LRRC20: variants seen among roughly 807,000 people sequenced by gnomAD.
The protein encoded by LRRC20 is leucine-rich repeat-containing protein 20.
A neutral mutation model predicts 14.4 loss-of-function variants in LRRC20; 11 were observed. That is an observed-to-expected ratio of 0.77 (90% CI 0.48 to 1.27). The LOEUF (loss-of-function observed/expected upper bound fraction) is 1.27, where lower values mean the gene tolerates loss of function less well. LRRC20 is among the 50% of genes most tolerant of loss of function. LRRC20 has a pLI of 0.00. For missense variants in LRRC20, 219 were observed against 251.2 expected, an observed-to-expected ratio of 0.87 and a Z score of 0.87; for synonymous variants, 121 against 107.3, an observed-to-expected ratio of 1.13 and a Z score of -0.79.
chr10:70,316,413 G>A (rs10999264), intron 4 of LRRC20, among the ~76,000 whole-genome samples: 9,395 of 152,304 alleles, frequency 0.062, 943 homozygotes, highest in African/African-American at 0.21. Context: ...GATTACAGGC[G>A]TGAGCCACCG....
chr10:70,367,088 G>A (rs546594503), intron 2 of LRRC20, among the ~76,000 whole-genome samples: 1 of 152,102 alleles, frequency 6.6e-6, no homozygotes, highest in African/African-American at 2.4e-5. Context: ...ACTTTGGGAG[G>A]CTGAGGCAGG....
intron 4 of LRRC20, among the ~76,000 whole-genome samples, chr10:70,307,969 A>G (rs1841488208): frequency 6.6e-6 from 1 of 152,356 alleles, no homozygotes; most frequent in Admixed American, 6.5e-5. Flanking sequence ...GCAGCAGCCC[A>G]GATGCCTGGG....
At chr10:70,339,776 C>G (rs1842845708) in intron 3 of LRRC20, among the ~76,000 whole-genome samples, 1 of 152,164 alleles carries the variant, frequency 6.6e-6, no homozygotes, top group African/African-American at 2.4e-5. Context: ...CTCCTGCCAC[C>G]TTGATGGCAA....
chr10:70,305,002 C>T lies in LRRC20; in HGVS notation c.401-3494G>A, dbSNP rs569828784. On this transcript the variant is annotated intron_variant, in intron 4 of 4. Transcript: ENST00000446961. ...GAGTTCGAGACCAGCCTGACCAACA[C>T]AGTGAAACCCTGTCTCTACTAAATA... Among the ~76,000 whole-genome samples the T allele has an allele frequency of 3.3e-5, 5 of 152,260 alleles. No homozygotes were observed. The South Asian group carries it at 8.3e-4, about 25-fold the overall frequency.
intron 4 of LRRC20, among the ~76,000 whole-genome samples, chr10:70,316,660 G>GGGGGC (rs1841872206): frequency 3.9e-5 from 6 of 152,254 alleles, no homozygotes; most frequent in Admixed American, 3.9e-4. Context: ...GGAGCTTCCT[G>GGGGGC]CACCCTCGTG....
At chr10:70,353,070 G>T (rs1275848417) in intron 2 of LRRC20, among the ~76,000 whole-genome samples, 1 of 152,144 alleles carries the variant, frequency 6.6e-6, no homozygotes. Flanking sequence ...CTCCTGCACC[G>T]GTGTTGAGTC....
At chr10:70,336,122 C>T (rs1214050684) in intron 3 of LRRC20, among the ~76,000 whole-genome samples, 1 of 152,182 alleles carries the variant, frequency 6.6e-6, no homozygotes, top group African/African-American at 2.4e-5. Flanking sequence ...GACTAAATGA[C>T]ATGATACAGG....
At chr10:70,366,152 G>A (rs1004134074) in intron 2 of LRRC20, among the ~76,000 whole-genome samples, 1 of 151,936 alleles carries the variant, frequency 6.6e-6, no homozygotes. Flanking sequence ...GGCCAGGAAC[G>A]TGGCTCATGC....
At position 70,342,644 on chromosome 10, in the gene LRRC20, A is replaced by G. The variant is rs553485676; in HGVS notation, c.83-1942T>C. ...GGGAAAAATTAAATGTAGTAAAATAATGACTAACAAAGCGCCTAGAAGATA... is the reference window on the plus strand; with the variant it reads ...GGGAAAAATTAAATGTAGTAAAATAGTGACTAACAAAGCGCCTAGAAGATA... On this transcript the variant is annotated intron_variant, in intron 2 of 4. Coordinates refer to ENST00000446961, the MANE Select transcript of LRRC20 (RefSeq NM_001278212.2). Among the ~76,000 whole-genome samples, 4 of 152,316 alleles carry G rather than the reference A, an allele frequency of 2.6e-5. No homozygotes were observed. In the East Asian group the frequency reaches 7.7e-4, roughly 29 times the overall value.
intron 4 of LRRC20, among the ~76,000 whole-genome samples, chr10:70,305,972 C>A (rs1369925182): frequency 6.6e-6 from 1 of 152,180 alleles, no homozygotes; most frequent in Non-Finnish European, 1.5e-5. Flanking sequence ...AATCTCCTGA[C>A]CTTGTGATCT....
chr10:70,323,226 G>C (rs150749591), intron 4 of LRRC20, among the ~76,000 whole-genome samples: 231 of 152,126 alleles, frequency 1.5e-3, no homozygotes, highest in African/African-American at 5.4e-3. Flanking sequence ...TGGAGTTGAG[G>C]CTCGGCTCTC....
chr10:70,303,980 G>A (rs1841308869), intron 4 of LRRC20, among the ~76,000 whole-genome samples: 1 of 152,108 alleles, frequency 6.6e-6, no homozygotes, highest in African/African-American at 2.4e-5. Context: ...TACACTTTAT[G>A]TGGTTAATTT....
chr10:70,307,742 C>T (rs944816055), intron 4 of LRRC20, among the ~76,000 whole-genome samples: 11 of 152,226 alleles, frequency 7.2e-5, no homozygotes, highest in South Asian at 2.1e-4. Context: ...CAGAAGGATA[C>T]GCCCGGCTTT....
intron 4 of LRRC20, 117 bp downstream of exon 4, chr10:70,323,746 C>T: frequency 1.7e-6 from 2 of 1,161,330 alleles, no homozygotes; most frequent in Non-Finnish European, 2.5e-6. Flanking sequence ...TTTGCTCAGG[C>T]ATCTCAGACA....
intron 4 of LRRC20, among the ~76,000 whole-genome samples, chr10:70,314,926 C>T (rs2136912413): frequency 6.6e-6 from 1 of 152,264 alleles, no homozygotes; most frequent in South Asian, 2.1e-4. Context: ...TTCTATCCCC[C>T]TAGAGCTATG....
intron 3 of LRRC20, among the ~76,000 whole-genome samples, chr10:70,332,464 C>T (rs777363342): frequency 2.0e-5 from 3 of 152,142 alleles, no homozygotes; most frequent in Non-Finnish European, 4.4e-5. Flanking sequence ...GGCAACATGG[C>T]AAGACCCTGT....
intron 4 of LRRC20, among the ~76,000 whole-genome samples, chr10:70,304,428 TA>T (rs1231975013): frequency 6.9e-6 from 1 of 143,908 alleles, no homozygotes; most frequent in African/African-American, 2.5e-5. Context: ...TATTTTACTT[TA>T]GGCAAATGGT....
chr10:70,338,154 ACT>A (rs988248601), intron 3 of LRRC20, among the ~76,000 whole-genome samples: 1 of 151,746 alleles, frequency 6.6e-6, no homozygotes, highest in African/African-American at 2.4e-5. Context: ...AATGCAACAA[ACT>A]CTGTGAGCTT....
intron 2 of LRRC20, among the ~76,000 whole-genome samples, chr10:70,362,146 C>T (rs147997127): frequency 0.035 from 5,259 of 152,308 alleles, 148 homozygotes; most frequent in Non-Finnish European, 0.05. Flanking sequence ...GATCGTGCCA[C>T]TGCACTCTAG....
Sources: allele counts gnomAD v4.1 joint callset (sites outside exome capture counted in the v4.1 genomes callset), GRCh38; gene constraint gnomAD v4.1.1; transcripts MANE v1.5; gene names NCBI Gene and HGNC (gene_info 2026-07-23, HGNC 2026-07-21).